The following AGBL1 variants were observed in gnomAD, a reference collection of about 807,000 sequenced individuals.
AGBL1 encodes the protein cytosolic carboxypeptidase 4.
In AGBL1, 130 loss-of-function variants were observed where a neutral mutation model predicts 118.9. The observed-to-expected ratio is 1.09, with a 90% CI of 0.95 to 1.26. The LOEUF (loss-of-function observed/expected upper bound fraction) is 1.26. Ranked by LOEUF, AGBL1 falls within the 50% of genes most tolerant of loss-of-function variation. AGBL1 has a pLI of 0.00. For synonymous variants in AGBL1, 555 were observed against 478.9 expected, an observed-to-expected ratio of 1.16 and a Z score of -2.08; for missense variants, 1,584 against 1,298.1, an observed-to-expected ratio of 1.22 and a Z score of -3.38.
chr15:86,684,121 T>G (rs2142577318), intron 22 of AGBL1, among the ~76,000 whole-genome samples: 1 of 152,190 alleles, frequency 6.6e-6, no homozygotes, highest in Non-Finnish European at 1.5e-5. Flanking sequence ...GGAGGGAGGC[T>G]AATGAACAGG....
intron 21 of AGBL1, among the ~76,000 whole-genome samples, chr15:86,567,775 A>T (rs949949719): frequency 6.6e-6 from 1 of 152,130 alleles, no homozygotes; most frequent in South Asian, 2.1e-4. Flanking sequence ...AGAAATTGCA[A>T]ATGTTTAAAT....
chr15:86,250,348 A>C (rs935169985), intron 7 of AGBL1, among the ~76,000 whole-genome samples: 1 of 151,840 alleles, frequency 6.6e-6, no homozygotes, highest in African/African-American at 2.4e-5. Context: ...AACATGGCAA[A>C]ACCCCATCTC....
intron 17 of AGBL1, among the ~76,000 whole-genome samples, chr15:86,337,105 G>C (rs1172013549): frequency 1.3e-5 from 2 of 152,196 alleles, no homozygotes; most frequent in Non-Finnish European, 2.9e-5. Context: ...GAAATCCTGG[G>C]AGCATTTGTA....
chr15:86,111,777 G>A (rs536837247), intron 1 of AGBL1, among the ~76,000 whole-genome samples: 2 of 152,302 alleles, frequency 1.3e-5, no homozygotes, highest in South Asian at 4.1e-4. Context: ...CAGACTGGTA[G>A]GAACAAGACC....
At position 86,140,613 on chromosome 15, in the gene AGBL1, A is replaced by G. The variant is rs182291624; in HGVS notation, c.52-1391A>G. Among the ~76,000 whole-genome samples the G allele has an allele frequency of 7.2e-5, 11 of 152,270 alleles. No individual in the cohort carries two copies. The East Asian group carries it at 1.9e-3, about 27-fold the overall frequency. ...ATACCAACACCATGTGGTAAGTGCA[A>G]TGTCAGGGCTGAGCCCAGAGTGATG... On this transcript the variant is annotated intron_variant, in intron 1 of 22. Coordinates refer to ENST00000614907, the MANE Select transcript of AGBL1 (RefSeq NM_001386094.1).
chr15:86,364,998 CATATATATAT>C lies in AGBL1; in HGVS notation c.2375-32366_2375-32357del, dbSNP rs71468173. Among the ~76,000 whole-genome samples, 166 of 121,180 alleles carry C rather than the reference CATATATATAT, an allele frequency of 1.4e-3. 2 individuals carry two copies. Among genetic ancestry groups the C allele is most frequent in the African/African-American group, 5.4e-3 (161 of 29,622 alleles). 79.5% of individuals were successfully genotyped at this position (121,180 alleles called of 152,430 possible). ...ATATATATATATATATACACACACA[CATATATATAT>C]ACACACACATATATATATACACACA... On this transcript the variant is annotated intron_variant, in intron 17 of 22. Coordinates refer to ENST00000614907, the MANE Select transcript of AGBL1 (RefSeq NM_001386094.1).
chr15:86,806,817 T>A (rs1240247055), intron 22 of AGBL1, among the ~76,000 whole-genome samples: 1 of 150,310 alleles, frequency 6.7e-6, no homozygotes, highest in Non-Finnish European at 1.5e-5. Context: ...GTACACTATA[T>A]AAATATTATA....
At chr15:86,742,815 T>G (rs2077698933) in intron 22 of AGBL1, among the ~76,000 whole-genome samples, 1 of 152,178 alleles carries the variant, frequency 6.6e-6, no homozygotes, top group African/African-American at 2.4e-5. Flanking sequence ...TCTCTCTGCT[T>G]TGGTCTGTTA....
At chr15:86,862,886 C>T (rs939509847) in intron 22 of AGBL1, among the ~76,000 whole-genome samples, 3 of 152,174 alleles carry the variant, frequency 2.0e-5, no homozygotes, top group African/African-American at 7.2e-5. Flanking sequence ...GGAAAATGCA[C>T]TATGTAAGGA....
intron 1 of AGBL1, among the ~76,000 whole-genome samples, chr15:86,097,770 G>T (rs1029991797): frequency 1.3e-5 from 2 of 151,954 alleles, no homozygotes; most frequent in Non-Finnish European, 2.9e-5. Flanking sequence ...TGGCTCTTGT[G>T]AATAAACATG....
At chr15:86,338,931 G>A (rs2080417375) in intron 17 of AGBL1, among the ~76,000 whole-genome samples, 1 of 152,074 alleles carries the variant, frequency 6.6e-6, no homozygotes, top group Non-Finnish European at 1.5e-5. Flanking sequence ...TTATCAAGTT[G>A]AGGATGTAAC....
chr15:86,159,509 A>G (rs1385408746), intron 5 of AGBL1, among the ~76,000 whole-genome samples: 2 of 152,124 alleles, frequency 1.3e-5, no homozygotes, highest in African/African-American at 4.8e-5. Flanking sequence ...TGGGCCTTAT[A>G]ATAGTCCATC....
At chr15:86,534,112 T>TAAAA (rs61563504) in intron 19 of AGBL1, among the ~76,000 whole-genome samples, 143 of 94,412 alleles carry the variant, frequency 1.5e-3, no homozygotes, top group African/African-American at 2.1e-3. Flanking sequence ...TAAAGTATAA[T>TAAAA]AAAAAAAAAA....
chr15:86,611,189 C>G lies in AGBL1; in HGVS notation c.2994+56652C>G, dbSNP rs568916342. 8.5e-5 allele frequency among the ~76,000 whole-genome samples: 13 copies of G among 152,228 alleles called. 3 individuals are homozygous for G. The highest frequency in any genetic ancestry group is 3.1e-4 in the African/African-American group (13 of 41,544). On this transcript the variant is annotated intron_variant, in intron 21 of 22. Coordinates refer to ENST00000614907, the MANE Select transcript of AGBL1 (RefSeq NM_001386094.1). Reference sequence around the variant, plus strand: ...TGATAAACTATATGATATAGGTATGCTCAGGGTGTGTGGATGAACAAAGAA... The same window carrying G: ...TGATAAACTATATGATATAGGTATGGTCAGGGTGTGTGGATGAACAAAGAA...
At chr15:86,818,740 T>A (rs2078899642) in intron 22 of AGBL1, among the ~76,000 whole-genome samples, 1 of 152,168 alleles carries the variant, frequency 6.6e-6, no homozygotes, top group Non-Finnish European at 1.5e-5. Context: ...TGCAGGCCAG[T>A]AGTACAACAT....
At chr15:86,564,795 C>T (rs1365831577) in intron 21 of AGBL1, among the ~76,000 whole-genome samples, 1 of 152,232 alleles carries the variant, frequency 6.6e-6, no homozygotes, top group Non-Finnish European at 1.5e-5. Flanking sequence ...GGTCTTTTCA[C>T]ATAGTCCCAT....
intron 17 of AGBL1, among the ~76,000 whole-genome samples, chr15:86,374,815 C>T (rs1411542072): frequency 6.6e-6 from 1 of 152,180 alleles, no homozygotes; most frequent in African/African-American, 2.4e-5. Flanking sequence ...GCCTTTAGGA[C>T]GTTTTTTCCA....
intron 1 of AGBL1, among the ~76,000 whole-genome samples, chr15:86,107,903 A>G (rs185253582): frequency 6.6e-6 from 1 of 152,174 alleles, no homozygotes; most frequent in Non-Finnish European, 1.5e-5. Flanking sequence ...TGTGTCTTGC[A>G]TAGTAGTACC....
chr15:86,660,492 C>CAAAGTTTT (rs2085521838), intron 21 of AGBL1, among the ~76,000 whole-genome samples: 1 of 152,114 alleles, frequency 6.6e-6, no homozygotes, highest in South Asian at 2.1e-4. Flanking sequence ...TGCTCAAAAA[C>CAAAGTTTT]AGAGCAAAGT....
Sources: gnomAD v4.1 joint callset for allele counts (sites outside exome capture counted in the v4.1 genomes callset) on GRCh38, gnomAD v4.1.1 for gene constraint, MANE v1.5 for transcripts, NCBI Gene and HGNC (gene_info 2026-07-23, HGNC 2026-07-21) for gene names.